Variants in PEX14 observed in about 807,000 individuals in gnomAD.
PEX14 encodes the protein peroxisomal biogenesis factor 14, also known as peroxisomal membrane protein PEX14.
Under a neutral mutation model 49.5 loss-of-function variants are expected in PEX14, and 15 were observed. The observed-to-expected ratio is 0.30, with a 90% CI of 0.20 to 0.47. PEX14 has a LOEUF of 0.47. PEX14 is among the 20% of genes least tolerant of loss of function. The probability of loss-of-function intolerance (pLI) is 1.00; values close to 1 mark genes in which losing one functional copy is unlikely to be tolerated. For synonymous variants in PEX14, 210 were observed against 212.7 expected, an observed-to-expected ratio of 0.99 and a Z score of 0.11; for missense variants, 398 against 494.8, an observed-to-expected ratio of 0.80 and a Z score of 1.86.
intron 4 of PEX14, among the ~76,000 whole-genome samples, chr1:10,609,208 A>ATGC (rs1479175912): frequency 6.6e-6 from 1 of 152,230 alleles, no homozygotes; most frequent in Non-Finnish European, 1.5e-5. Flanking sequence ...AAGATGAATA[A>ATGC]TGCTGCAAAG....
intron 3 of PEX14, among the ~76,000 whole-genome samples, chr1:10,547,810 T>G (rs1363346419): frequency 6.6e-6 from 1 of 152,170 alleles, no homozygotes; most frequent in Non-Finnish European, 1.5e-5. Flanking sequence ...CTATTATTAT[T>G]TTTTTAGAAG....
chr1:10,500,157 CTG>C (rs34611625), intron 2 of PEX14, among the ~76,000 whole-genome samples: 89,505 of 151,066 alleles, frequency 0.59, 28,292 homozygotes, highest in South Asian at 0.76. Flanking sequence ...AATCCCAGCA[CTG>C]TGGGAGGCCG....
chr1:10,502,376 G>A (rs1297232504), intron 2 of PEX14, among the ~76,000 whole-genome samples: 2 of 152,088 alleles, frequency 1.3e-5, no homozygotes, highest in African/African-American at 4.8e-5. Context: ...TGATCTCTAG[G>A]CCACTTACTG....
intron 3 of PEX14, among the ~76,000 whole-genome samples, chr1:10,560,959 G>C (rs1300106276): frequency 1.3e-5 from 2 of 151,818 alleles, no homozygotes; most frequent in Non-Finnish European, 2.9e-5. Context: ...CTTGTGATTC[G>C]CCTGCCCTCG....
intron 3 of PEX14, among the ~76,000 whole-genome samples, chr1:10,544,176 A>AT (rs1639101606): frequency 6.6e-6 from 1 of 152,138 alleles, no homozygotes; most frequent in Non-Finnish European, 1.5e-5. Context: ...ATATTAGTTG[A>AT]TTTTTTCGCT....
chr1:10,476,738 G>C (rs572378493), intron 1 of PEX14, among the ~76,000 whole-genome samples: 2 of 152,064 alleles, frequency 1.3e-5, no homozygotes, highest in East Asian at 3.9e-4. Context: ...TGATCTGCCC[G>C]CCTCAGCCTC....
At chr1:10,596,999 A>AT (rs955589813) in intron 3 of PEX14, among the ~76,000 whole-genome samples, 2 of 152,264 alleles carry the variant, frequency 1.3e-5, no homozygotes, top group Admixed American at 1.3e-4. Context: ...AATAGGCTTC[A>AT]TAAAAGCTCA....
intron 2 of PEX14, chr1:10,528,285 T>C (rs1463486608): frequency 1.0e-6 from 1 of 981,832 alleles, no homozygotes; most frequent in Non-Finnish European, 1.2e-6. Flanking sequence ...TTCACCAATC[T>C]CCATCTGGCC....
In PEX14 at chr1:10,514,170, G is replaced by C. The variant is rs1160378912; in HGVS notation, c.84+18849G>C. ...AATCTATGCCTCTGTGTGTGTGTGT[G>C]TGTGTGTGTGTGTGTGTGTGTGTGT... On this transcript the variant is annotated intron_variant, in intron 2 of 8. Coordinates refer to ENST00000356607, the MANE Select transcript of PEX14 (RefSeq NM_004565.3). This position sits in a 1 kb window ranked among gnomAD's most constrained non-coding sequence, Gnocchi z 4.4. Among the ~76,000 whole-genome samples, 3 of 151,290 alleles carry C rather than the reference G, an allele frequency of 2.0e-5. No homozygotes were observed. Among genetic ancestry groups the C allele is most frequent in the African/African-American group, 7.3e-5 (3 of 41,242 alleles).
chr1:10,618,290 G>A (rs758480753), intron 4 of PEX14, 42 bp from the exon 5 acceptor site: 10 of 1,522,476 alleles, frequency 6.6e-6, no homozygotes, highest in South Asian at 3.4e-5. Context: ...GAAGAAGGAC[G>A]CCATGTGCGT....
At chr1:10,546,004 C>T (rs1639160438) in intron 3 of PEX14, among the ~76,000 whole-genome samples, 1 of 152,074 alleles carries the variant, frequency 6.6e-6, no homozygotes, top group South Asian at 2.1e-4. Context: ...ATGATTGTGC[C>T]ACTGCACTGT....
rs995244314 is a variant in PEX14, at chr1:10,484,625, A to G, written c.36+9623A>G. ...AATTTAGCCGCTTGGCACAGCACAC[A>G]TTGATTATCTCATGGTTTCTGTGGG... On this transcript the variant is annotated intron_variant, in intron 1 of 8. Transcript: ENST00000356607. Among the ~76,000 whole-genome samples, 6 of 151,718 alleles carry G rather than the reference A, an allele frequency of 4.0e-5. 1 individual carries two copies. The highest frequency in any genetic ancestry group is 5.9e-5 in the Non-Finnish European group (4 of 68,036).
In PEX14 at chr1:10,624,453, G is replaced by A; in HGVS notation, c.585+16G>A. 6.5e-7 allele frequency: 1 copy of A among 1,546,146 alleles called. No homozygotes were observed. The highest frequency in any genetic ancestry group is 8.9e-7 in the Non-Finnish European group (1 of 1,118,642). On this transcript the variant is annotated intron_variant, in intron 7 of 8. Coordinates refer to ENST00000356607, the MANE Select transcript of PEX14 (RefSeq NM_004565.3). ...CGCTGCCAAGGTACCTGTCTCTGCT[G>A]CACAGGGCCCTCCAGGCCCAGGTCT...
intron 3 of PEX14, among the ~76,000 whole-genome samples, chr1:10,587,017 G>T (rs1350195282): frequency 6.6e-6 from 1 of 152,116 alleles, no homozygotes; most frequent in Non-Finnish European, 1.5e-5. Flanking sequence ...GAGGAGACAA[G>T]GGATGTTGCT....
chr1:10,537,436 T>A (rs1003023048), intron 3 of PEX14, among the ~76,000 whole-genome samples: 3 of 145,832 alleles, frequency 2.1e-5, no homozygotes, highest in Non-Finnish European at 3.0e-5. Context: ...AAAGAGTTTT[T>A]CCTTGAAATA....
At chr1:10,505,187 A>G (rs1641760113) in intron 2 of PEX14, among the ~76,000 whole-genome samples, 1 of 152,188 alleles carries the variant, frequency 6.6e-6, no homozygotes. Context: ...AACATCTTTT[A>G]GGCTAGGTAT....
intron 2 of PEX14, among the ~76,000 whole-genome samples, chr1:10,508,362 A>G (rs1197368280): frequency 6.6e-6 from 1 of 151,968 alleles, no homozygotes; most frequent in South Asian, 2.1e-4. Context: ...GCCCGCCACC[A>G]TGCCCTGCTA....
intron 2 of PEX14, chr1:10,535,745 C>T (rs774814295): frequency 3.3e-5 from 9 of 273,980 alleles, no homozygotes; most frequent in African/African-American, 6.6e-5. Flanking sequence ...GGAATCAGAA[C>T]AGACTATAAA....
At position 10,514,618 on chromosome 1, in the gene PEX14, C is replaced by T. The variant is rs988633224; in HGVS notation, c.84+19297C>T. ...CTAATAGGCCATTGGGTGTCACTGTCGCTCTACTGGCTATAGGAGAAAGAG... is the reference window on the plus strand; with the variant it reads ...CTAATAGGCCATTGGGTGTCACTGTTGCTCTACTGGCTATAGGAGAAAGAG... On this transcript the variant is annotated intron_variant, in intron 2 of 8. Transcript: ENST00000356607. The surrounding 1 kb of genome is among the most constrained non-coding windows in gnomAD (Gnocchi z 4.4). Among the ~76,000 whole-genome samples, 8 of 152,122 alleles carry T rather than the reference C, an allele frequency of 5.3e-5. No individual in the cohort carries two copies. Among genetic ancestry groups the T allele is most frequent in the South Asian group, 2.1e-4 (1 of 4,820 alleles).
Sources: gnomAD v4.1 joint callset for allele counts (sites outside exome capture counted in the v4.1 genomes callset) on GRCh38, gnomAD v4.1.1 for gene constraint, Gnocchi (gnomAD v3.1) non-coding constraint, MANE v1.5 for transcripts, NCBI Gene and HGNC (gene_info 2026-07-23, HGNC 2026-07-21) for gene names.